Variants in CLIP1 observed in about 807,000 individuals in gnomAD.
CLIP1 encodes the protein CAP-Gly domain containing linker protein 1.
In CLIP1, 66 loss-of-function variants were observed where a neutral mutation model predicts 161.6. The observed-to-expected ratio is 0.41, with a 90% confidence interval of 0.33 to 0.50. The LOEUF (loss-of-function observed/expected upper bound fraction) is 0.50, where lower values mean the gene tolerates loss of function less well. CLIP1 is among the 20% of genes least tolerant of loss of function. CLIP1 has a pLI of 0.27. For synonymous variants in CLIP1, 598 were observed against 626.2 expected, an observed-to-expected ratio of 0.96 and a Z score of 0.67; for missense variants, 1,376 against 1,702.0, an observed-to-expected ratio of 0.81 and a Z score of 3.37.
Position 122,383,724 on chromosome 12 carries a change from T to A in CLIP1, c.-106-3166A>T, listed in dbSNP as rs968483302. Among the ~76,000 whole-genome samples, 17 of 151,972 alleles carry A rather than the reference T, an allele frequency of 1.1e-4. No homozygotes were observed. In the East Asian group the frequency reaches 2.5e-3, roughly 22 times the overall value. On this transcript the variant is annotated intron_variant, in intron 1 of 25. Transcript: ENST00000620786. The stretch of plus-strand genomic sequence containing the variant: ...AGGCTTGCTTCAAAAAAACAAAAGA[T>A]CAAAGTCTTTGTCATGGTACCCACA...
At chr12:122,378,517 A>G (rs879613274) in intron 2 of CLIP1, among the ~76,000 whole-genome samples, 1 of 152,214 alleles carries the variant, frequency 6.6e-6, no homozygotes, top group Non-Finnish European at 1.5e-5. Flanking sequence ...TTTATTTGCA[A>G]TTAAGATTAG....
At chr12:122,294,124 C>G (rs1180722129) in intron 20 of CLIP1, among the ~76,000 whole-genome samples, 7 of 150,798 alleles carry the variant, frequency 4.6e-5, no homozygotes, top group Non-Finnish European at 4.4e-5. Flanking sequence ...GTCAGGAGAT[C>G]CAGACCATCC....
At chr12:122,316,997 G>A (rs1951299122) in intron 18 of CLIP1, 142 bp from the exon 19 acceptor site, 2 of 583,092 alleles carry the variant, frequency 3.4e-6, no homozygotes, top group African/African-American at 3.8e-5. Flanking sequence ...TGGGTGAAGA[G>A]ATTACAGATG....
At chr12:122,331,403 C>T (rs538947750) in intron 15 of CLIP1, among the ~76,000 whole-genome samples, 102 of 152,032 alleles carry the variant, frequency 6.7e-4, no homozygotes, top group African/African-American at 2.4e-3. Flanking sequence ...CAACCTCCGC[C>T]TCCTGGGTTC....
intron 20 of CLIP1, among the ~76,000 whole-genome samples, chr12:122,303,247 G>C (rs1950755076): frequency 6.6e-6 from 1 of 151,888 alleles, no homozygotes; most frequent in Admixed American, 6.6e-5. Flanking sequence ...ATTTTCCCTG[G>C]GTAACAGCTT....
chr12:122,355,859 G>A lies in CLIP1; in HGVS notation c.1006-547C>T, dbSNP rs1953316972. The A allele has an allele frequency of 6.5e-6, 1 of 152,846 alleles. No homozygotes were observed. Among genetic ancestry groups the A allele is most frequent in the Non-Finnish European group, 1.5e-5 (1 of 68,552 alleles). 9.5% of individuals were successfully genotyped at this position (152,846 alleles called of 1,614,324 possible). ...CGAACTCTAAAGTGCTAAGGTTACAGGTGTGAGCCACCGCGCCAAAGGCCA... is the reference window on the plus strand; with the variant it reads ...CGAACTCTAAAGTGCTAAGGTTACAAGTGTGAGCCACCGCGCCAAAGGCCA... On this transcript the variant is annotated intron_variant, in intron 5 of 25. Coordinates refer to ENST00000620786, the MANE Select transcript of CLIP1 (RefSeq NM_001247997.2). This position sits in a 1 kb window ranked among gnomAD's most constrained non-coding sequence, Gnocchi z 4.1.
chr12:122,388,071 A>G (rs1420938985), intron 1 of CLIP1, among the ~76,000 whole-genome samples: 2 of 152,182 alleles, frequency 1.3e-5, no homozygotes, highest in Admixed American at 1.3e-4. Flanking sequence ...AGTCAACTAT[A>G]CATAAAACAT....
intron 13 of CLIP1, 79 bp from the exon 14 acceptor site, chr12:122,334,189 G>T: frequency 1.2e-6 from 1 of 849,004 alleles, no homozygotes; most frequent in Non-Finnish European, 1.9e-6. Flanking sequence ...TTACAACCCA[G>T]TCAAATATTA....
intron 19 of CLIP1, 32 bp downstream of exon 19, chr12:122,316,717 C>A: frequency 8.1e-7 from 1 of 1,236,466 alleles, no homozygotes; most frequent in South Asian, 1.4e-5. Flanking sequence ...AAAATAAATT[C>A]CATATTTTTT....
In CLIP1 at chr12:122,357,198, T is replaced by G. The variant is rs532397282; in HGVS notation, c.1006-1886A>C. On this transcript the variant is annotated intron_variant, in intron 5 of 25. Coordinates refer to ENST00000620786, the MANE Select transcript of CLIP1 (RefSeq NM_001247997.2). ...CGTCCCATCTAGGAAGTGAGGAGCG[T>G]CTCTGCCCGGCCGCCCATCGTCTGA... Among the ~76,000 whole-genome samples, 570 of 148,230 alleles carry G rather than the reference T, an allele frequency of 3.8e-3. 2 individuals are homozygous for G. Among genetic ancestry groups the G allele is most frequent in the African/African-American group, 0.014 (545 of 39,604 alleles).
In CLIP1 at chr12:122,334,670, G is replaced by C; in HGVS notation, c.2604C>G (p.Val868=). Residue 868 remains valine, a synonymous_variant, in exon 13 of 26, where the codon GTC becomes GTG. Coordinates refer to ENST00000620786, the MANE Select transcript of CLIP1 (RefSeq NM_001247997.2). ...TACCTTGCATACTTCTCTGAACAGA[G>C]ACTGCCTCCTCTGAAGCTTCAGCAA... ...EKFAEASEEA[V]SVQRSMQETV... is the part of the protein sequence containing the mutation. 1 of 1,588,212 alleles carries C rather than the reference G, an allele frequency of 6.3e-7. No individual in the cohort carries two copies. The highest frequency in any genetic ancestry group is 1.1e-5 in the South Asian group (1 of 87,394).
intron 5 of CLIP1, among the ~76,000 whole-genome samples, chr12:122,357,936 T>C (rs1377445204): frequency 2.0e-5 from 3 of 151,274 alleles, no homozygotes; most frequent in Admixed American, 6.6e-5. Flanking sequence ...GTCTGGGAGG[T>C]GTACCCAACA....
intron 3 of CLIP1, among the ~76,000 whole-genome samples, chr12:122,373,297 A>T (rs1339052439): frequency 6.6e-6 from 1 of 151,876 alleles, no homozygotes; most frequent in African/African-American, 2.4e-5. Flanking sequence ...GTGGTGGCGC[A>T]CGTCTGTAGT....
chr12:122,405,206 A>G (rs1322390046), intron 1 of CLIP1, among the ~76,000 whole-genome samples: 2 of 152,080 alleles, frequency 1.3e-5, no homozygotes, highest in Non-Finnish European at 2.9e-5. Context: ...GTGTAATCCC[A>G]TGAGACGTTC....
At chr12:122,390,187 A>ATATATATG (rs1204516786) in intron 1 of CLIP1, among the ~76,000 whole-genome samples, 1 of 136,906 alleles carries the variant, frequency 7.3e-6, no homozygotes, top group East Asian at 2.2e-4. Flanking sequence ...ATATATATAT[A>ATATATATG]TATATATATA....
intron 1 of CLIP1, among the ~76,000 whole-genome samples, chr12:122,381,193 G>T (rs1277877352): frequency 1.3e-5 from 2 of 152,064 alleles, no homozygotes; most frequent in Non-Finnish European, 2.9e-5. Context: ...AACAATGCGG[G>T]GAGAAAAAGG....
chr12:122,319,487 A>G (rs3825097), intron 17 of CLIP1, 139 bp from the exon 18 acceptor site: 335,353 of 641,250 alleles, frequency 0.52, 92,080 homozygotes, highest in South Asian at 0.64. Context: ...ATCAGTCACA[A>G]TCCAGTGCTG....
At chr12:122,330,597 G>GTTTTTTTTTTTTTGTTTTTTTTTTTTTT (rs1555265518) in intron 15 of CLIP1, among the ~76,000 whole-genome samples, 18 of 101,382 alleles carry the variant, frequency 1.8e-4, no homozygotes, top group African/African-American at 5.3e-4. Flanking sequence ...GTATAATGCA[G>GTTTTTTTTTTTTTGTTTTTTTTTTTTTT]TTTTTTTTTT....
rs1336217486 is a variant in CLIP1 at position 122,390,291 on chromosome 12, T to C, written c.-106-9733A>G. On this transcript the variant is annotated intron_variant, in intron 1 of 25. Coordinates refer to ENST00000620786, the MANE Select transcript of CLIP1 (RefSeq NM_001247997.2). ...ACATATATATATACATATATATATA[T>C]ATATATATATATGTATATATATATA... Among the ~76,000 whole-genome samples, 41 of 132,636 alleles carry C rather than the reference T, an allele frequency of 3.1e-4. 1 individual carries two copies. The East Asian group carries it at 9.3e-3, about 30-fold the overall frequency. The allele number at this position is 132,636 out of a possible 152,430, so 87.0% of individuals were successfully genotyped here. A position where few individuals can be genotyped will look rare whatever the true frequency, so the allele number is the denominator to read the frequency against.
Sources: allele counts gnomAD v4.1 joint callset (sites outside exome capture counted in the v4.1 genomes callset), GRCh38; gene constraint gnomAD v4.1.1; non-coding constraint Gnocchi (gnomAD v3.1); transcripts MANE v1.5; gene names NCBI Gene and HGNC (gene_info 2026-07-23, HGNC 2026-07-21).